Variants in MTOR observed in about 807,000 individuals in gnomAD.
MTOR encodes the protein serine/threonine-protein kinase mTOR.
In MTOR, 70 loss-of-function variants were observed where a neutral mutation model predicts 319.8. That is an observed-to-expected ratio of 0.22 (90% CI 0.18 to 0.27). MTOR has a LOEUF of 0.27. MTOR is among the 10% of genes least tolerant of loss of function. The pLI is 1.00. For missense variants in MTOR, 1,890 were observed against 3,274.4 expected, an observed-to-expected ratio of 0.58 and a Z score of 10.32; for synonymous variants, 1,183 against 1,211.4, an observed-to-expected ratio of 0.98 and a Z score of 0.49.
intron 24 of MTOR, among the ~76,000 whole-genome samples, chr1:11,210,349 C>A (rs974886995): frequency 1.9e-4 from 29 of 152,134 alleles, no homozygotes; most frequent in African/African-American, 7.0e-4. Flanking sequence ...GGGGTTTTAC[C>A]ATGTTGCCCA....
chr1:11,210,983 A>C, intron 23 of MTOR, 77 bp from the exon 24 acceptor site: 3 of 835,420 alleles, frequency 3.6e-6, no homozygotes, highest in Non-Finnish European at 6.0e-6. Flanking sequence ...AATATTATAC[A>C]ACTACATTAT....
At chr1:11,222,444 G>C (rs966982549) in intron 19 of MTOR, among the ~76,000 whole-genome samples, 1 of 152,076 alleles carries the variant, frequency 6.6e-6, no homozygotes, top group Non-Finnish European at 1.5e-5. Context: ...TGATCCACCC[G>C]CCTCGGCCTC....
chr1:11,137,898 G>A (rs535518579), intron 36 of MTOR, among the ~76,000 whole-genome samples: 3 of 152,360 alleles, frequency 2.0e-5, no homozygotes, highest in East Asian at 3.9e-4. Flanking sequence ...GTAAGGCTCA[G>A]TGAGTGTCTT....
chr1:11,220,031 CAAAAAAAAAAAAAAGAAAA>C (rs1646607721), intron 19 of MTOR, among the ~76,000 whole-genome samples: 1 of 54,648 alleles, frequency 1.8e-5, no homozygotes, highest in Non-Finnish European at 3.4e-5. Flanking sequence ...GACTTGATCT[CAAAAAAAAAAAAAAGAAAA>C]GAAAAGAAAA....
intron 36 of MTOR, among the ~76,000 whole-genome samples, chr1:11,137,154 A>AAT (rs1314061167): frequency 7.0e-6 from 1 of 143,364 alleles, no homozygotes; most frequent in East Asian, 1.9e-4. Context: ...AATCTGATTA[A>AAT]AAAAAAAAAA....
chr1:11,224,555 TA>T, intron 19 of MTOR, among the ~76,000 whole-genome samples: 1 of 152,214 alleles, frequency 6.6e-6, no homozygotes, highest in Middle Eastern at 3.4e-3. Flanking sequence ...TTGAACACAA[TA>T]AGTAATAAAT....
intron 30 of MTOR, among the ~76,000 whole-genome samples, chr1:11,156,627 C>T (rs1644326331): frequency 6.6e-6 from 1 of 152,176 alleles, no homozygotes; most frequent in Non-Finnish European, 1.5e-5. Flanking sequence ...AACATCCTCT[C>T]AGGCTATAAT....
At chr1:11,221,568 G>A (rs941605250) in intron 19 of MTOR, among the ~76,000 whole-genome samples, 1 of 151,428 alleles carries the variant, frequency 6.6e-6, no homozygotes, top group Non-Finnish European at 1.5e-5. Flanking sequence ...TACTTGATAC[G>A]CTTGGAGTAA....
chr1:11,115,420 G>A lies in MTOR; in HGVS notation c.7065C>T (p.His2355=). Residue 2355 remains histidine, a synonymous_variant, in exon 51 of 58, where the codon CAC becomes CAT. Coordinates refer to ENST00000361445, the MANE Select transcript of MTOR (RefSeq NM_004958.4). This position sits in a 1 kb window ranked among gnomAD's most constrained non-coding sequence, Gnocchi z 4.5. Reference sequence around the variant, plus strand: ...CCTCAAAGCAGTCCCCAAAGTCAATGTGCAGGATCTTCCCACTCAGACGGT... The same window carrying A: ...CCTCAAAGCAGTCCCCAAAGTCAATATGCAGGATCTTCCCACTCAGACGGT... ...MLDRLSGKIL[H]IDFGDCFEVA... 6.2e-7 allele frequency: 1 copy of A among 1,614,228 alleles called. No individual in the cohort carries two copies. Among genetic ancestry groups the A allele is most frequent in the Non-Finnish European group, 8.5e-7 (1 of 1,180,034 alleles).
intron 29 of MTOR, among the ~76,000 whole-genome samples, chr1:11,164,420 C>A (rs1421549871): frequency 1.3e-5 from 2 of 151,050 alleles, no homozygotes; most frequent in East Asian, 3.9e-4. Flanking sequence ...GATATCACCA[C>A]CGATCCCACA....
chr1:11,146,906 G>A (rs1643948312), intron 31 of MTOR, 115 bp from the exon 32 acceptor site: 3 of 723,866 alleles, frequency 4.1e-6, no homozygotes, highest in Non-Finnish European at 7.2e-6. Context: ...ATATAAACAA[G>A]ACAAATAAAC....
chr1:11,145,711 G>A (rs1350879996), intron 32 of MTOR, among the ~76,000 whole-genome samples: 1 of 152,064 alleles, frequency 6.6e-6, no homozygotes, highest in Non-Finnish European at 1.5e-5. Flanking sequence ...ACCATGTTGG[G>A]CAGGCTGGTC....
intron 11 of MTOR, 126 bp from the exon 12 acceptor site, chr1:11,238,743 T>G: frequency 2.8e-6 from 2 of 727,120 alleles, no homozygotes; most frequent in Non-Finnish European, 4.5e-6. Flanking sequence ...TATTGATCAA[T>G]ACGATACTGA....
chr1:11,204,752 T>C (rs372712733), intron 25 of MTOR, 49 bp from the exon 26 acceptor site: 72 of 1,572,984 alleles, frequency 4.6e-5, no homozygotes, highest in Non-Finnish European at 5.6e-5. Context: ...CAAGGGCCAA[T>C]TGAAAAAAGT....
intron 6 of MTOR, 31 bp from the exon 7 acceptor site, chr1:11,248,125 T>C (rs1557483458): frequency 1.3e-6 from 2 of 1,548,432 alleles, no homozygotes; most frequent in Middle Eastern, 1.7e-4. Flanking sequence ...AAAATCATCT[T>C]TACTTATGAC....
At chr1:11,188,143 T>A (rs1645383103) in intron 28 of MTOR, among the ~76,000 whole-genome samples, 1 of 152,172 alleles carries the variant, frequency 6.6e-6, no homozygotes. Flanking sequence ...ACTACAACAG[T>A]ACAAGTAACT....
Position 11,230,210 on chromosome 1 carries a change from CAGG to C in MTOR, c.2779+712_2779+714del, listed in dbSNP as rs796521129. 5.7e-4 allele frequency among the ~76,000 whole-genome samples: 86 copies of C among 152,110 alleles called. 1 individual carries two copies. The highest frequency in any genetic ancestry group is 2.0e-3 in the African/African-American group (83 of 41,502). ...CTGAAGCAGGCAGATCACTTGAGGT[CAGG>C]AGTTTGAGAACAGCCAGGCCAACAT... On this transcript the variant is annotated intron_variant, in intron 18 of 57. Transcript: ENST00000361445.
rs868627779 is a variant in MTOR, at chr1:11,127,710, C to T, written c.6130G>A (p.Val2044Met). ...TCCAGCACCTCAAACATGCCTTTCA[C>T]GTTCCTTTCCCCAAAGTACAAACGA... ...ASRLYFGERN[V>M]KGMFEVLEPL... Residue 2044 changes from valine (V) to methionine (M), a missense_variant, in exon 44 of 58, where the codon GTG becomes ATG. Coordinates refer to ENST00000361445, the MANE Select transcript of MTOR (RefSeq NM_004958.4). This position sits in a 1 kb window ranked among gnomAD's most constrained non-coding sequence, Gnocchi z 5.5. The T allele has an allele frequency of 1.3e-5, 21 of 1,614,028 alleles. No individual in the cohort carries two copies. The highest frequency in any genetic ancestry group is 2.7e-5 in the African/African-American group (2 of 74,910).
chr1:11,150,267 C>T (rs1452633344), intron 30 of MTOR, 41 bp from the exon 31 acceptor site: 2 of 1,536,954 alleles, frequency 1.3e-6, no homozygotes, highest in South Asian at 2.3e-5. Context: ...ATCCAAATCT[C>T]CTTAAACTAC....
Sources: gnomAD v4.1 joint callset for allele counts (sites outside exome capture counted in the v4.1 genomes callset) on GRCh38, gnomAD v4.1.1 for gene constraint, Gnocchi (gnomAD v3.1) non-coding constraint, MANE v1.5 for transcripts, NCBI Gene and HGNC (gene_info 2026-07-23, HGNC 2026-07-21) for gene names.